Variants in PTPRO observed in about 807,000 individuals in gnomAD.
PTPRO encodes the protein receptor-type tyrosine-protein phosphatase O.
In PTPRO, 62 loss-of-function variants were observed where a neutral mutation model predicts 145.2. The ratio of observed to expected loss-of-function variants is 0.43; its 90% confidence interval spans 0.35 to 0.53. PTPRO has a LOEUF of 0.53. Ranked by LOEUF, PTPRO falls within the 20% of genes least tolerant of loss-of-function variation. The pLI, the probability that PTPRO is intolerant of heterozygous loss-of-function variation, is 0.01. For missense variants in PTPRO, 1,345 were observed against 1,482.7 expected (o/e 0.91, Z 1.53); for synonymous variants, 565 against 514.7 (o/e 1.10, Z -1.32).
chr12:15,402,075 G>A (rs1157551092), intron 1 of PTPRO, among the ~76,000 whole-genome samples: 1 of 152,132 alleles, frequency 6.6e-6, no homozygotes, highest in Non-Finnish European at 1.5e-5. Flanking sequence ...AATTTAGAAG[G>A]TTTAGCAAGA....
intron 1 of PTPRO, among the ~76,000 whole-genome samples, chr12:15,415,593 G>A (rs1410982764): frequency 6.6e-6 from 1 of 151,452 alleles, no homozygotes; most frequent in East Asian, 1.9e-4. Flanking sequence ...ACTCATGTTA[G>A]CCAGGATGGT....
chr12:15,513,766 G>A (rs1404721737), intron 7 of PTPRO, among the ~76,000 whole-genome samples: 1 of 152,086 alleles, frequency 6.6e-6, no homozygotes, highest in African/African-American at 2.4e-5. Context: ...AAGTTAATAA[G>A]ATGAATAAAG....
chr12:15,348,927 T>A (rs977765048), intron 1 of PTPRO, among the ~76,000 whole-genome samples: 16 of 152,236 alleles, frequency 1.1e-4, no homozygotes, highest in African/African-American at 3.9e-4. Context: ...TCATTATATT[T>A]GTATAAATTT....
Position 15,526,230 on chromosome 12 carries a change from G to A in PTPRO, c.2132G>A (p.Ser711Asn). The change falls in exon 12 of 27, where the codon AGT (serine) becomes AAT (asparagine). Residue 711 changes from serine (S) to asparagine (N), a missense_variant. Ser to Asn is a conservative substitution (Grantham distance 46). Around this residue, in one of 3 missense-constraint regions of PTPRO, gnomAD observed 1,130 missense variants for 1,214.7 expected, o/e 0.93. Transcript: ENST00000281171. ...LSVTACTERG[S>N]NTSMLRLVKL... ...GTAACTGCTTGTACTGAAAGAGGAA[G>A]TAATACCTCCATGCTCCGCCTTGTC... 6.2e-7 allele frequency: 1 copy of A among 1,614,000 alleles called. No homozygotes were observed. The highest frequency in any genetic ancestry group is 8.5e-7 in the Non-Finnish European group (1 of 1,179,932).
chr12:15,487,257 T>A (rs1279960532), intron 2 of PTPRO, among the ~76,000 whole-genome samples: 1 of 152,092 alleles, frequency 6.6e-6, no homozygotes, highest in Non-Finnish European at 1.5e-5. Flanking sequence ...ACACTGAAAT[T>A]CTACATTAAA....
chr12:15,514,314 T>C (rs1247382399), intron 7 of PTPRO, among the ~76,000 whole-genome samples: 2 of 151,604 alleles, frequency 1.3e-5, no homozygotes, highest in East Asian at 3.9e-4. Context: ...TAGCTGGGCG[T>C]GGTGGCCCAC....
chr12:15,343,558 C>T (rs189109019), intron 1 of PTPRO, among the ~76,000 whole-genome samples: 22 of 152,110 alleles, frequency 1.4e-4, no homozygotes, highest in Non-Finnish European at 2.6e-4. Flanking sequence ...CATGGTGGCT[C>T]GCACCTGTAG....
chr12:15,415,857 C>G (rs1028052382), intron 1 of PTPRO, among the ~76,000 whole-genome samples: 1 of 151,724 alleles, frequency 6.6e-6, no homozygotes, highest in African/African-American at 2.4e-5. Flanking sequence ...AAGAAGAGAG[C>G]AAACATGTCC....
intron 1 of PTPRO, among the ~76,000 whole-genome samples, chr12:15,474,505 T>A (rs1941612249): frequency 6.6e-6 from 1 of 152,186 alleles, no homozygotes; most frequent in South Asian, 2.1e-4. Flanking sequence ...CTAGACCTTG[T>A]CCTGACATCA....
At chr12:15,378,917 A>G (rs1207737898) in intron 1 of PTPRO, among the ~76,000 whole-genome samples, 1 of 152,180 alleles carries the variant, frequency 6.6e-6, no homozygotes, top group Non-Finnish European at 1.5e-5. Flanking sequence ...TTAATAAGCA[A>G]ATAAAAAGAT....
At chr12:15,346,003 C>A (rs1179907326) in intron 1 of PTPRO, among the ~76,000 whole-genome samples, 1 of 152,126 alleles carries the variant, frequency 6.6e-6, no homozygotes, top group Admixed American at 6.5e-5. Flanking sequence ...AGAAGAGAGT[C>A]CAAATCAGAA....
At chr12:15,556,412 T>C (rs1943626396) in intron 15 of PTPRO, among the ~76,000 whole-genome samples, 1 of 151,422 alleles carries the variant, frequency 6.6e-6, no homozygotes, top group Non-Finnish European at 1.5e-5. Context: ...AAAGAAAAAA[T>C]GAGATACATG....
At chr12:15,429,156 C>T (rs1940364560) in intron 1 of PTPRO, among the ~76,000 whole-genome samples, 1 of 152,158 alleles carries the variant, frequency 6.6e-6, no homozygotes, top group African/African-American at 2.4e-5. Flanking sequence ...TGAAGCTCAT[C>T]CATTCCAAAG....
rs570434080 is a variant in PTPRO, at chr12:15,500,258, T to A, written c.661+664T>A. On this transcript the variant is annotated intron_variant, in intron 4 of 26. Transcript: ENST00000281171. ...CATTCTGATGAGCATCAGGAAGGGA[T>A]TATGATAGATTACTTCTAAGGTCTT... 7.9e-5 allele frequency among the ~76,000 whole-genome samples: 12 copies of A among 152,260 alleles called. No homozygotes were observed. In the East Asian group the frequency reaches 1.9e-3, roughly 24 times the overall value.
At chr12:15,337,585 CAAT>C (rs1866809364) in intron 1 of PTPRO, 1 of 152,170 alleles carries the variant, frequency 6.6e-6, no homozygotes, top group African/African-American at 2.4e-5. Context: ...AAAGGAATTG[CAAT>C]TATCTTAAAT....
intron 1 of PTPRO, among the ~76,000 whole-genome samples, chr12:15,439,369 A>T (rs987015872): frequency 1.3e-5 from 2 of 152,180 alleles, no homozygotes; most frequent in Non-Finnish European, 2.9e-5. Flanking sequence ...CACAATAGAA[A>T]CTACAAAGCA....
In PTPRO at chr12:15,484,674, T is replaced by C. The variant is rs564895387; in HGVS notation, c.349+427T>C. 1.2e-4 allele frequency among the ~76,000 whole-genome samples: 18 copies of C among 152,226 alleles called. No individual in the cohort carries two copies. In the East Asian group the frequency reaches 3.5e-3, roughly 29 times the overall value. On this transcript the variant is annotated intron_variant, in intron 2 of 26. Coordinates refer to ENST00000281171, the MANE Select transcript of PTPRO (RefSeq NM_030667.3). ...CTGCTCAAATTCAGGTATAGGTCTTTGGCTGAGAGAGAGAAAAAGATATAT... is the reference window on the plus strand; with the variant it reads ...CTGCTCAAATTCAGGTATAGGTCTTCGGCTGAGAGAGAGAAAAAGATATAT...
At chr12:15,532,051 G>T (rs1204754810) in intron 12 of PTPRO, among the ~76,000 whole-genome samples, 2 of 152,028 alleles carry the variant, frequency 1.3e-5, no homozygotes, top group East Asian at 1.9e-4. Context: ...CAAAAAATAC[G>T]ATCTTTCCTC....
In PTPRO at chr12:15,426,231, T is replaced by G. The variant is rs1342534851; in HGVS notation, c.76-57743T>G. ...AATTTTTAATTGGATCCTGCTGATA[T>G]ACAGAAAAACTATTAATGTTTGCAT... On this transcript the variant is annotated intron_variant, in intron 1 of 26. Transcript: ENST00000281171. 2.0e-5 allele frequency among the ~76,000 whole-genome samples: 3 copies of G among 151,736 alleles called. No individual in the cohort carries two copies. In the East Asian group the frequency reaches 5.8e-4, roughly 29 times the overall value.
Sources: gnomAD v4.1 joint callset for allele counts (sites outside exome capture counted in the v4.1 genomes callset) on GRCh38, gnomAD v4.1.1 for gene constraint, gnomAD v4.1.1 regional missense constraint, MANE v1.5 for transcripts, NCBI Gene and HGNC (gene_info 2026-07-23, HGNC 2026-07-21) for gene names.